CNTNAP4: variants seen among roughly 807,000 people sequenced by gnomAD.
The protein encoded by CNTNAP4 is contactin associated protein family member 4.
A neutral mutation model predicts 148.4 loss-of-function variants in CNTNAP4; 98 were observed. That is an observed-to-expected ratio of 0.66 (90% CI 0.56 to 0.78). The LOEUF is 0.78. CNTNAP4 is among the 30% of genes least tolerant of loss of function. The probability of loss-of-function intolerance (pLI) is 0.00; values close to 1 mark genes in which losing one functional copy is unlikely to be tolerated. For missense variants in CNTNAP4, 1,935 were observed against 1,565.6 expected, an observed-to-expected ratio of 1.24 and a Z score of -3.98; for synonymous variants, 730 against 565.1, an observed-to-expected ratio of 1.29 and a Z score of -4.14.
intron 1 of CNTNAP4, among the ~76,000 whole-genome samples, chr16:76,279,732 CT>C (rs1472688367): frequency 6.6e-6 from 1 of 152,096 alleles, no homozygotes; most frequent in Non-Finnish European, 1.5e-5. Context: ...ATGAAATGAC[CT>C]TATATAATTA....
intron 2 of CNTNAP4, among the ~76,000 whole-genome samples, chr16:76,325,429 C>A (rs2144187377): frequency 6.6e-6 from 1 of 152,112 alleles, no homozygotes; most frequent in East Asian, 1.9e-4. Flanking sequence ...TTCAATATAT[C>A]TCAAAGGATT....
chr16:76,437,688 T>C (rs1392986872), intron 4 of CNTNAP4, among the ~76,000 whole-genome samples: 1 of 152,118 alleles, frequency 6.6e-6, no homozygotes, highest in Non-Finnish European at 1.5e-5. Context: ...ACACGAACCA[T>C]ATCTTAATTT....
Position 76,303,593 on chromosome 16 carries a change from A to G in CNTNAP4, c.86-12820A>G, listed in dbSNP as rs545130317. ...TTAGTTGGCACAGTGTGAATTTCTA[A>G]CTGTATCATCAAAGGTGTCCAAATA... is the stretch of plus-strand genomic sequence containing the variant. On this transcript the variant is annotated intron_variant, in intron 1 of 23. Transcript: ENST00000611870. 2.6e-5 allele frequency among the ~76,000 whole-genome samples: 4 copies of G among 152,248 alleles called. No individual in the cohort carries two copies. The East Asian group carries it at 7.7e-4, about 29-fold the overall frequency.
chr16:76,285,989 G>A (rs1184874889), intron 1 of CNTNAP4, among the ~76,000 whole-genome samples: 1 of 151,956 alleles, frequency 6.6e-6, no homozygotes, highest in Non-Finnish European at 1.5e-5. Context: ...AAATTTCTAG[G>A]CTAATAGCTT....
At chr16:76,420,783 T>A (rs74026770) in intron 3 of CNTNAP4, among the ~76,000 whole-genome samples, 6,973 of 152,106 alleles carry the variant, frequency 0.046, 557 homozygotes, top group African/African-American at 0.16. Flanking sequence ...GGCTCACCTC[T>A]TTGGGTTTTC....
intron 3 of CNTNAP4, among the ~76,000 whole-genome samples, chr16:76,396,865 A>G (rs2078221825): frequency 6.6e-6 from 1 of 152,240 alleles, no homozygotes; most frequent in Non-Finnish European, 1.5e-5. Context: ...GCCTATGGCC[A>G]CACAGAAAAG....
At chr16:76,435,614 G>A (rs939580258) in intron 4 of CNTNAP4, among the ~76,000 whole-genome samples, 2 of 152,076 alleles carry the variant, frequency 1.3e-5, no homozygotes, top group East Asian at 1.9e-4. Flanking sequence ...TTGGTCAAGG[G>A]TATATCTTCT....
At position 76,461,925 on chromosome 16, in the gene CNTNAP4, G is replaced by C. The variant is rs1246771453; in HGVS notation, c.1334-31G>C. Reference sequence around the variant, plus strand: ...AACTCCTTATAGTGTTCACTATTGAGAGCGATCTCTAACTGATTTCATCTC... The same window carrying C: ...AACTCCTTATAGTGTTCACTATTGACAGCGATCTCTAACTGATTTCATCTC... On this transcript the variant is annotated intron_variant, in intron 8 of 23. Transcript: ENST00000611870. The C allele has an allele frequency of 3.7e-6, 6 of 1,606,710 alleles. No homozygotes were observed. In the Admixed American group the frequency reaches 6.7e-5, roughly 18 times the overall value.
chr16:76,360,577 C>T (rs1176952364), intron 3 of CNTNAP4, among the ~76,000 whole-genome samples: 2 of 152,190 alleles, frequency 1.3e-5, no homozygotes, highest in Non-Finnish European at 2.9e-5. Flanking sequence ...AGTGTGTGAA[C>T]ATGTCAAGCT....
At chr16:76,286,216 T>TGA (rs1958878222) in intron 1 of CNTNAP4, among the ~76,000 whole-genome samples, 1 of 148,640 alleles carries the variant, frequency 6.7e-6, no homozygotes, top group South Asian at 2.1e-4. Flanking sequence ...TGTGTGTGTG[T>TGA]GTGAAGATAA....
At chr16:76,286,392 G>T (rs1055576194) in intron 1 of CNTNAP4, among the ~76,000 whole-genome samples, 1 of 151,978 alleles carries the variant, frequency 6.6e-6, no homozygotes, top group Non-Finnish European at 1.5e-5. Flanking sequence ...ACCAGTATGT[G>T]GGATTAAAAA....
intron 18 of CNTNAP4, among the ~76,000 whole-genome samples, chr16:76,537,475 A>T (rs1427978206): frequency 6.6e-6 from 1 of 152,140 alleles, no homozygotes; most frequent in Non-Finnish European, 1.5e-5. Context: ...AGAGAGGAAG[A>T]CAGAGAGAAT....
rs1316227384 is a variant in CNTNAP4, at chr16:76,337,396, C to G, written c.197-17922C>G. ...ACAGCTGGACCTCCAGGGGTGACATCACATATCGACAGGTTCTGTGATGCC... is the reference window on the plus strand; with the variant it reads ...ACAGCTGGACCTCCAGGGGTGACATGACATATCGACAGGTTCTGTGATGCC... On this transcript the variant is annotated intron_variant, in intron 2 of 23. Coordinates refer to ENST00000611870, the MANE Select transcript of CNTNAP4 (RefSeq NM_033401.5). Among the ~76,000 whole-genome samples, 3 of 152,124 alleles carry G rather than the reference C, an allele frequency of 2.0e-5. No homozygotes were observed. In the East Asian group the frequency reaches 5.8e-4, roughly 29 times the overall value.
At chr16:76,449,064 T>TA in intron 6 of CNTNAP4, 113 bp downstream of exon 6, 1 of 1,006,010 alleles carries the variant, frequency 9.9e-7, no homozygotes, top group Non-Finnish European at 1.5e-6. Flanking sequence ...ATAGAACAGG[T>TA]GAAGCATTTC....
intron 2 of CNTNAP4, among the ~76,000 whole-genome samples, chr16:76,340,634 ATATT>A (rs1393118453): frequency 6.6e-6 from 1 of 152,152 alleles, no homozygotes; most frequent in Admixed American, 6.5e-5. Context: ...CATTCAATAC[ATATT>A]TATAGGGAGT....
chr16:76,512,333 G>A (rs2083061115), intron 15 of CNTNAP4, among the ~76,000 whole-genome samples: 1 of 152,144 alleles, frequency 6.6e-6, no homozygotes, highest in Non-Finnish European at 1.5e-5. Context: ...AAACCATTTA[G>A]GGGACCATAT....
intron 23 of CNTNAP4, chr16:76,558,021 T>C (rs546341325): frequency 8.5e-5 from 13 of 152,504 alleles, no homozygotes; most frequent in African/African-American, 3.1e-4. Flanking sequence ...GTCAGAATGA[T>C]TTATTTACAT....
At chr16:76,439,936 C>G (rs566942809) in intron 4 of CNTNAP4, among the ~76,000 whole-genome samples, 8 of 152,262 alleles carry the variant, frequency 5.3e-5, no homozygotes, top group Admixed American at 2.6e-4. Flanking sequence ...ATGCAGGTCT[C>G]AAGTGCCTAT....
intron 17 of CNTNAP4, among the ~76,000 whole-genome samples, chr16:76,526,733 G>C (rs2083750098): frequency 6.6e-6 from 1 of 152,116 alleles, no homozygotes. Flanking sequence ...GAGTGCAGAG[G>C]TGTGCTCACT....
Sources: gnomAD v4.1 joint callset for allele counts (sites outside exome capture counted in the v4.1 genomes callset) on GRCh38, gnomAD v4.1.1 for gene constraint, MANE v1.5 for transcripts, NCBI Gene and HGNC (gene_info 2026-07-23, HGNC 2026-07-21) for gene names.